SLC8A1: variants seen among roughly 807,000 people sequenced by gnomAD.
The protein encoded by SLC8A1 is solute carrier family 8 member A1.
Under a neutral mutation model 68.3 loss-of-function variants are expected in SLC8A1, and 18 were observed. That is an observed-to-expected ratio of 0.26 (90% CI 0.18 to 0.39). The LOEUF is 0.39. Among genes scored for constraint, SLC8A1 ranks in the 10% least tolerant of loss-of-function variants. The probability of loss-of-function intolerance (pLI) is 1.00; values close to 1 mark genes in which losing one functional copy is unlikely to be tolerated. For synonymous variants in SLC8A1, 475 were observed against 415.5 expected (o/e 1.14, Z -1.74); for missense variants, 985 against 1,156.7 (o/e 0.85, Z 2.15).
At chr2:40,298,154 T>A (rs2070771685) in intron 2 of SLC8A1, among the ~76,000 whole-genome samples, 1 of 152,130 alleles carries the variant, frequency 6.6e-6, no homozygotes, top group South Asian at 2.1e-4. Flanking sequence ...AGTGTTGGGA[T>A]TACAGGTGTG....
chr2:40,379,904 T>C (rs1396184213), intron 2 of SLC8A1, among the ~76,000 whole-genome samples: 2 of 152,120 alleles, frequency 1.3e-5, no homozygotes, highest in African/African-American at 4.8e-5. Flanking sequence ...CTCACTCAAA[T>C]ATTTTGCCAA....
chr2:40,120,359 A>G (rs1398506708), intron 7 of SLC8A1, among the ~76,000 whole-genome samples: 4 of 152,220 alleles, frequency 2.6e-5, no homozygotes, highest in African/African-American at 9.6e-5. Context: ...ACTGACAATG[A>G]AAGAGGCAGC....
At chr2:40,232,086 A>T (rs1421633088) in intron 2 of SLC8A1, among the ~76,000 whole-genome samples, 1 of 152,166 alleles carries the variant, frequency 6.6e-6, no homozygotes, top group Non-Finnish European at 1.5e-5. Context: ...CAGTTCAAAA[A>T]ATCAAGCAAG....
At chr2:40,248,445 G>T (rs1231557152) in intron 2 of SLC8A1, among the ~76,000 whole-genome samples, 1 of 152,038 alleles carries the variant, frequency 6.6e-6, no homozygotes, top group Non-Finnish European at 1.5e-5. Context: ...CCACCTGCAG[G>T]CACAGCGAAA....
chr2:40,466,006 A>G (rs992068598), intron 1 of SLC8A1, among the ~76,000 whole-genome samples: 21 of 152,154 alleles, frequency 1.4e-4, no homozygotes, highest in African/African-American at 5.1e-4. Context: ...AGGACACAGC[A>G]AGAAGGCCCT....
At chr2:40,466,972 T>TAAAA (rs10642728) in intron 1 of SLC8A1, among the ~76,000 whole-genome samples, 2 of 143,872 alleles carry the variant, frequency 1.4e-5, no homozygotes, top group African/African-American at 2.6e-5. Flanking sequence ...ATGAGTTATC[T>TAAAA]AAAAAAAAAA....
intron 2 of SLC8A1, among the ~76,000 whole-genome samples, chr2:40,196,770 A>G (rs2053125088): frequency 6.6e-6 from 1 of 152,056 alleles, no homozygotes; most frequent in Non-Finnish European, 1.5e-5. Context: ...CATGAAATTT[A>G]CACTTTTCCA....
At chr2:40,246,046 T>C (rs764005276) in intron 2 of SLC8A1, among the ~76,000 whole-genome samples, 14 of 152,214 alleles carry the variant, frequency 9.2e-5, no homozygotes, top group Non-Finnish European at 1.9e-4. Context: ...GTTTAAGAAA[T>C]AGCTTCTCAA....
At chr2:40,122,720 A>G (rs887772247) in intron 7 of SLC8A1, among the ~76,000 whole-genome samples, 1 of 152,208 alleles carries the variant, frequency 6.6e-6, no homozygotes, top group African/African-American at 2.4e-5. Context: ...TGTCCCTGTA[A>G]GGAGGACAAT....
chr2:40,421,131 A>T (rs970346949), intron 2 of SLC8A1, among the ~76,000 whole-genome samples: 4 of 152,028 alleles, frequency 2.6e-5, no homozygotes, highest in African/African-American at 9.7e-5. Context: ...CAACACTATC[A>T]CCACCAACAC....
intron 7 of SLC8A1, among the ~76,000 whole-genome samples, chr2:40,134,722 A>G (rs1407820401): frequency 6.6e-6 from 1 of 152,224 alleles, no homozygotes; most frequent in Non-Finnish European, 1.5e-5. Context: ...ACCAACTTGT[A>G]CTAATGTGTA....
chr2:40,488,900 T>G (rs540486475), intron 1 of SLC8A1, among the ~76,000 whole-genome samples: 1 of 152,212 alleles, frequency 6.6e-6, no homozygotes, highest in South Asian at 2.1e-4. Flanking sequence ...AGAGAGAGAC[T>G]TACACTGCTA....
intron 2 of SLC8A1, among the ~76,000 whole-genome samples, chr2:40,412,479 A>G (rs1250126156): frequency 6.6e-6 from 1 of 152,202 alleles, no homozygotes; most frequent in Non-Finnish European, 1.5e-5. Flanking sequence ...ATTGCCATAA[A>G]TTTAACACTA....
chr2:40,438,526 C>A lies in SLC8A1; in HGVS notation c.-24-8222G>T, dbSNP rs138845340. On this transcript the variant is annotated intron_variant, in intron 1 of 7. Coordinates refer to ENST00000406785, the Ensembl canonical transcript of SLC8A1. ...ATTGCAAATATGATTGACACGTGGT[C>A]CCTGTACTTACTAAATTTACAGTCT... Among the ~76,000 whole-genome samples the A allele has an allele frequency of 2.7e-3, 406 of 152,180 alleles. 1 individual carries two copies. The highest frequency in any genetic ancestry group is 4.9e-3 in the Non-Finnish European group (334 of 67,996).
chr2:40,301,403 C>A (rs971674752), intron 2 of SLC8A1, among the ~76,000 whole-genome samples: 1 of 152,160 alleles, frequency 6.6e-6, no homozygotes, highest in African/African-American at 2.4e-5. Context: ...GAACTGATTA[C>A]CTTCAGGCTA....
At chr2:40,477,449 CG>C (rs1559757813) in intron 1 of SLC8A1, among the ~76,000 whole-genome samples, 1 of 152,154 alleles carries the variant, frequency 6.6e-6, no homozygotes, top group East Asian at 1.9e-4. Context: ...TTGTCCTACA[CG>C]GTTGAAAAGA....
At chr2:40,110,978 C>A (rs928225344) in exon 8 of SLC8A1, 1 of 152,058 alleles carries the variant, frequency 6.6e-6, no homozygotes, top group African/African-American at 2.4e-5. Context: ...GTGGAATCAC[C>A]AATGAATCAA....
At chr2:40,409,983 C>G (rs191382344) in intron 2 of SLC8A1, among the ~76,000 whole-genome samples, 1 of 150,610 alleles carries the variant, frequency 6.6e-6, no homozygotes, top group Non-Finnish European at 1.5e-5. Context: ...ATAGGAGCAA[C>G]CACGGACTAA....
At chr2:40,342,720 A>G (rs1189198455) in intron 2 of SLC8A1, among the ~76,000 whole-genome samples, 1 of 152,208 alleles carries the variant, frequency 6.6e-6, no homozygotes, top group Non-Finnish European at 1.5e-5. Context: ...ACGATACTAA[A>G]GTCTCACACA....
Sources: allele counts gnomAD v4.1 joint callset (sites outside exome capture counted in the v4.1 genomes callset), GRCh38; gene constraint gnomAD v4.1.1; transcripts MANE v1.5; gene names NCBI Gene and HGNC (gene_info 2026-07-23, HGNC 2026-07-21).